KIAA1217: variants seen among roughly 807,000 people sequenced by gnomAD.
KIAA1217 encodes the protein sickle tail protein homolog.
KIAA1217 carries 88 observed loss-of-function variants against 163.9 expected under a neutral mutation model. That is an observed-to-expected ratio of 0.54 (90% CI 0.45 to 0.64). The LOEUF (loss-of-function observed/expected upper bound fraction) is 0.64, where lower values mean the gene tolerates loss of function less well. Among genes scored for constraint, KIAA1217 ranks in the 30% least tolerant of loss-of-function variants. The pLI is 0.00. For missense variants in KIAA1217, 2,372 were observed against 2,475.0 expected (o/e 0.96, Z 0.88); for synonymous variants, 903 against 923.1 (o/e 0.98, Z 0.39).
chr10:24,138,646 C>CAAA (rs35117486), intron 2 of KIAA1217, among the ~76,000 whole-genome samples: 19 of 143,938 alleles, frequency 1.3e-4, no homozygotes, highest in African/African-American at 4.1e-4. Context: ...ATTCATTAAC[C>CAAA]AAAAAAAAAA....
At chr10:24,493,424 C>T (rs1458260931) in intron 6 of KIAA1217, among the ~76,000 whole-genome samples, 1 of 152,230 alleles carries the variant, frequency 6.6e-6, no homozygotes, top group African/African-American at 2.4e-5. Context: ...ATATGCATAA[C>T]TGAATTCACA....
At chr10:24,419,579 T>C (rs2058564458) in intron 3 of KIAA1217, among the ~76,000 whole-genome samples, 1 of 152,190 alleles carries the variant, frequency 6.6e-6, no homozygotes, top group Non-Finnish European at 1.5e-5. Context: ...TGAATTAATA[T>C]GTGGAAGAGT....
At chr10:24,461,496 A>G (rs1404651496) in intron 5 of KIAA1217, among the ~76,000 whole-genome samples, 1 of 152,038 alleles carries the variant, frequency 6.6e-6, no homozygotes, top group Non-Finnish European at 1.5e-5. Flanking sequence ...CTGGGATTAC[A>G]GGTGTGTGCT....
chr10:24,123,161 T>TGTGTGTGTGTGTGTGTGA (rs1241715985), intron 2 of KIAA1217, among the ~76,000 whole-genome samples: 2 of 151,598 alleles, frequency 1.3e-5, no homozygotes, highest in Non-Finnish European at 2.9e-5. Context: ...TGTGTGTGTG[T>TGTGTGTGTGTGTGTGTGA]GATAACAGGC....
intron 1 of KIAA1217, among the ~76,000 whole-genome samples, chr10:23,839,785 A>G (rs1390290204): frequency 6.6e-6 from 1 of 152,164 alleles, no homozygotes; most frequent in South Asian, 2.1e-4. Context: ...ATAGATTTGT[A>G]TCCCAGGATT....
intron 2 of KIAA1217, among the ~76,000 whole-genome samples, chr10:24,017,767 C>G (rs777261683): frequency 6.6e-6 from 1 of 152,024 alleles, no homozygotes; most frequent in Non-Finnish European, 1.5e-5. Flanking sequence ...GGGAGTTTAC[C>G]TTTTGCTTGT....
At position 24,473,451 on chromosome 10, in the gene KIAA1217, C is replaced by T; in HGVS notation, c.1070C>T (p.Ser357Phe). Reference sequence around the variant, plus strand: ...GACAGAATCTCCAGCCTGCCAGTCTCCAGACCCATCTCTCCAAGCCCAAGC... The same window carrying T: ...GACAGAATCTCCAGCCTGCCAGTCTTCAGACCCATCTCTCCAAGCCCAAGC... Reference protein sequence around the residue: ...PRDRISSLPVSRPISPSPSAI... With the variant: ...PRDRISSLPVFRPISPSPSAI... Residue 357 changes from serine to phenylalanine, a missense_variant, in exon 6 of 21, where the codon TCC becomes TTC. By Grantham distance (155) the Ser-to-Phe change is radical. Transcript: ENST00000376454. 1 of 1,614,138 alleles carries T rather than the reference C, an allele frequency of 6.2e-7. No homozygotes were observed. Among genetic ancestry groups the T allele is most frequent in the Non-Finnish European group, 8.5e-7 (1 of 1,180,020 alleles).
At chr10:24,346,458 C>T (rs1019232185) in intron 2 of KIAA1217, among the ~76,000 whole-genome samples, 6 of 151,574 alleles carry the variant, frequency 4.0e-5, no homozygotes, top group South Asian at 2.1e-4. Flanking sequence ...GGGGACAGAG[C>T]GAGACTCCGT....
chr10:24,360,440 T>C (rs1156340099), intron 2 of KIAA1217, among the ~76,000 whole-genome samples: 2 of 152,210 alleles, frequency 1.3e-5, no homozygotes, highest in Non-Finnish European at 2.9e-5. Flanking sequence ...GTGGTAACTT[T>C]ATGAAATCTC....
intron 1 of KIAA1217, among the ~76,000 whole-genome samples, chr10:23,862,975 A>G (rs1195568680): frequency 6.6e-6 from 1 of 152,158 alleles, no homozygotes; most frequent in Non-Finnish European, 1.5e-5. Flanking sequence ...TACCAAATTC[A>G]ACATCTCTTT....
chr10:24,174,975 A>G (rs1483123540), intron 2 of KIAA1217, among the ~76,000 whole-genome samples: 1 of 151,594 alleles, frequency 6.6e-6, no homozygotes, highest in African/African-American at 2.4e-5. Flanking sequence ...CTCTTGCCTC[A>G]GCCTTCCAAG....
At chr10:24,097,906 A>G (rs1483732397) in intron 2 of KIAA1217, among the ~76,000 whole-genome samples, 5 of 152,112 alleles carry the variant, frequency 3.3e-5, no homozygotes, top group Non-Finnish European at 7.4e-5. Flanking sequence ...CCACGGCACC[A>G]ATGGGGAGGT....
At chr10:24,120,472 G>A (rs560297122) in intron 2 of KIAA1217, among the ~76,000 whole-genome samples, 9 of 152,296 alleles carry the variant, frequency 5.9e-5, no homozygotes, top group Admixed American at 2.6e-4. Flanking sequence ...TTAAGAATTC[G>A]TGCTTCTTGC....
At chr10:24,532,101 C>T in intron 15 of KIAA1217, 108 bp downstream of exon 15, 2 of 1,015,442 alleles carry the variant, frequency 2.0e-6, no homozygotes, top group Non-Finnish European at 2.6e-6. Flanking sequence ...GAAGTAGTAA[C>T]TCGACCACAC....
chr10:24,249,795 T>G (rs1408779166), intron 2 of KIAA1217, among the ~76,000 whole-genome samples: 1 of 152,188 alleles, frequency 6.6e-6, no homozygotes, highest in East Asian at 1.9e-4. Flanking sequence ...GCCTAGACAG[T>G]TCGTTCTTTA....
chr10:23,750,176 C>T (rs376941807), intron 1 of KIAA1217, among the ~76,000 whole-genome samples: 39 of 152,298 alleles, frequency 2.6e-4, no homozygotes, highest in African/African-American at 9.4e-4. Flanking sequence ...AATTTAATAT[C>T]CAAACTGTCA....
At chr10:24,426,447 C>A (rs1203633195) in intron 3 of KIAA1217, among the ~76,000 whole-genome samples, 1 of 152,100 alleles carries the variant, frequency 6.6e-6, no homozygotes. Context: ...CATACCAAAA[C>A]CCCGTCTCTA....
intron 1 of KIAA1217, among the ~76,000 whole-genome samples, chr10:23,847,178 G>T (rs1839076775): frequency 6.6e-6 from 1 of 151,964 alleles, no homozygotes; most frequent in African/African-American, 2.4e-5. Context: ...TTCATCAGGG[G>T]TATTGGCCTG....
At chr10:23,866,366 T>C (rs1289135651) in intron 1 of KIAA1217, among the ~76,000 whole-genome samples, 1 of 152,226 alleles carries the variant, frequency 6.6e-6, no homozygotes, top group Non-Finnish European at 1.5e-5. Flanking sequence ...AAAAGCATTC[T>C]AATAAAAGTG....
Sources: allele counts gnomAD v4.1 joint callset (sites outside exome capture counted in the v4.1 genomes callset), GRCh38; gene constraint gnomAD v4.1.1; transcripts MANE v1.5; gene names NCBI Gene and HGNC (gene_info 2026-07-23, HGNC 2026-07-21).